RPS14: variants seen among roughly 807,000 people sequenced by gnomAD.
The protein encoded by RPS14 is ribosomal protein S14, also known as small ribosomal subunit protein uS11.
In RPS14, 1 loss-of-function variant was observed where a neutral mutation model predicts 15.4. The observed-to-expected ratio is 0.07, with a 90% confidence interval of 0.02 to 0.31. RPS14 has a LOEUF of 0.31. Among genes scored for constraint, RPS14 ranks in the 10% least tolerant of loss-of-function variants. The pLI is 1.00. For synonymous variants in RPS14, 68 were observed against 74.4 expected, an observed-to-expected ratio of 0.91 and a Z score of 0.44; for missense variants, 69 against 205.5, an observed-to-expected ratio of 0.34 and a Z score of 4.06.
At chr5:150,447,535 G>A (rs3797622) in intron 2 of RPS14, 50 bp downstream of exon 2, 428,525 of 1,590,592 alleles carry the variant, frequency 0.27, 59,440 homozygotes, top group South Asian at 0.39. Flanking sequence ...CCCAGCCATT[G>A]CCTTCCTCAG....
rs1419729176 is a variant in RPS14 at position 150,443,213 on chromosome 5, AG to A, written c.*1072del. On this transcript the variant is annotated 3_prime_UTR_variant, in exon 5 of 5. Transcript: ENST00000407193. ...TTTAGGGTACATGTGCACAACGTGC[AG>A]GTTTGTTACATATGTATACATGTGC... The A allele has an allele frequency of 7.1e-6, 1 of 140,902 alleles. No individual in the cohort carries two copies. The highest frequency in any genetic ancestry group is 2.5e-5 in the African/African-American group (1 of 40,420). 8.7% of individuals were successfully genotyped at this position (140,902 alleles called of 1,614,324 possible).
In RPS14 at chr5:150,446,942, A is replaced by T. The variant is rs1771116203; in HGVS notation, c.171T>A (p.Thr57=). ...GGTCTGCCTTTACCTTCATCCCACCAGTCACACGGCAGATGGTTTCCCTGG... is the reference window on the plus strand; with the variant it reads ...GGTCTGCCTTTACCTTCATCCCACCTGTCACACGGCAGATGGTTTCCCTGG... ...LSGKETICRV[T]GGMKVKADRD... Residue 57 remains threonine (T), a synonymous_variant, in exon 3 of 5, where the codon ACT becomes ACA. Coordinates refer to ENST00000407193, the MANE Select transcript of RPS14 (RefSeq NM_005617.4). This position sits in a 1 kb window ranked among gnomAD's most constrained non-coding sequence, Gnocchi z 4.2. The T allele has an allele frequency of 6.2e-7, 1 of 1,614,056 alleles. No homozygotes were observed. The highest frequency in any genetic ancestry group is 1.3e-5 in the African/African-American group (1 of 74,930).
intron 2 of RPS14, chr5:150,447,300 C>T (rs2151201206): frequency 3.7e-6 from 2 of 535,170 alleles, no homozygotes; most frequent in Non-Finnish European, 6.6e-6. Context: ...CACCCAGAGC[C>T]CACTTGCAGT....
chr5:150,445,634 G>C lies in RPS14; in HGVS notation c.363C>G (p.Arg121=). The C allele has an allele frequency of 6.2e-7, 1 of 1,612,626 alleles. No homozygotes were observed. Residue 121 remains arginine, a synonymous_variant, in exon 4 of 5, where the codon CGC becomes CGG. Coordinates refer to ENST00000407193, the MANE Select transcript of RPS14 (RefSeq NM_005617.4). ...GAQSALRALA[R]SGMKIGRIED... ...CAATCCGCCCGATCTTCATACCCGAGCGGGCAAGGGCTCTGAGGGCCGACT... is the reference window on the plus strand; with the variant it reads ...CAATCCGCCCGATCTTCATACCCGACCGGGCAAGGGCTCTGAGGGCCGACT...
rs17656930 is a variant in RPS14, at chr5:150,447,569, C to A, written c.149+16G>T. On this transcript the variant is annotated intron_variant, in intron 2 of 4. Coordinates refer to ENST00000407193, the MANE Select transcript of RPS14 (RefSeq NM_005617.4). ...AGCCTTTTGCCAGCTGGATGCCTCT[C>A]CACCCAGGTACTCACTTGCCAGAAA... 1 of 1,611,906 alleles carries A rather than the reference C, an allele frequency of 6.2e-7. No individual in the cohort carries two copies. Among genetic ancestry groups the A allele is most frequent in the Admixed American group, 1.7e-5 (1 of 60,014 alleles).
Position 150,446,888 on chromosome 5 carries a change from C to A in RPS14, c.225G>T (p.Met75Ile). The change falls in exon 3 of 5, where the codon ATG becomes ATT. Residue 75 changes from methionine (M) to isoleucine (I), a missense_variant. Met to Ile is a conservative substitution (Grantham distance 10, BLOSUM62 1). Transcript: ENST00000407193. This position sits in a 1 kb window ranked among gnomAD's most constrained non-coding sequence, Gnocchi z 4.2. The stretch of plus-strand genomic sequence containing the variant: ...TCTGGGCCACATCCTGGGCAGCCAA[C>A]ATAGCAGCATATGGTGAGGATTCAT... The part of the protein sequence containing the change: ...DRDESSPYAA[M>I]LAAQDVAQRC... 6.2e-7 allele frequency: 1 copy of A among 1,614,214 alleles called. No individual in the cohort carries two copies. The highest frequency in any genetic ancestry group is 8.5e-7 in the Non-Finnish European group (1 of 1,180,046).
intron 4 of RPS14, chr5:150,444,737 G>A (rs1040621483): frequency 2.0e-5 from 9 of 442,712 alleles, no homozygotes; most frequent in Non-Finnish European, 3.2e-5. Flanking sequence ...AATCTTTTAA[G>A]GCTGGGCGCG....
intron 4 of RPS14, 56 bp from the exon 5 acceptor site, chr5:150,444,409 G>T: frequency 4.0e-6 from 6 of 1,481,600 alleles, no homozygotes; most frequent in Non-Finnish European, 4.7e-6. Flanking sequence ...AGGGCCCCCA[G>T]GACTCCCTAG....
rs561164412 is a variant in RPS14, at chr5:150,446,392, G to A, written c.311+410C>T. ...ACCCTCCTCCTGTCCTTATTTCACTGGAAGGACTCCGGACTTATCATTTAG... is the reference window on the plus strand; with the variant it reads ...ACCCTCCTCCTGTCCTTATTTCACTAGAAGGACTCCGGACTTATCATTTAG... On this transcript the variant is annotated intron_variant, in intron 3 of 4. Transcript: ENST00000407193. The surrounding 1 kb of genome is among the most constrained non-coding windows in gnomAD (Gnocchi z 4.2). Among the ~76,000 whole-genome samples, 2 of 152,240 alleles carry A rather than the reference G, an allele frequency of 1.3e-5. No individual in the cohort carries two copies. The highest frequency in any genetic ancestry group is 4.8e-5 in the African/African-American group (2 of 41,532).
chr5:150,448,969 A>G (rs1771186286), intron 1 of RPS14: 1 of 152,250 alleles, frequency 6.6e-6, no homozygotes, highest in African/African-American at 2.4e-5. Flanking sequence ...CGAGAAGCAT[A>G]GAAAGGCTCC....
In RPS14 at chr5:150,446,652, G is replaced by A. The variant is rs777781982; in HGVS notation, c.311+150C>T. ...GTGCTCAACACTGAGCTGCTGGGGGGTGTACACAGGAGCCAATTATTAAGT... is the reference window on the plus strand; with the variant it reads ...GTGCTCAACACTGAGCTGCTGGGGGATGTACACAGGAGCCAATTATTAAGT... On this transcript the variant is annotated intron_variant, in intron 3 of 4. Coordinates refer to ENST00000407193, the MANE Select transcript of RPS14 (RefSeq NM_005617.4). The surrounding 1 kb of genome is among the most constrained non-coding windows in gnomAD (Gnocchi z 4.2). 262 of 747,094 alleles carry A rather than the reference G, an allele frequency of 3.5e-4. No individual in the cohort carries two copies. The highest frequency in any genetic ancestry group is 5.2e-4 in the Non-Finnish European group (238 of 455,296). 46.3% of individuals were successfully genotyped at this position (747,094 alleles called of 1,614,324 possible).
intron 2 of RPS14, 46 bp from the exon 3 acceptor site, chr5:150,447,009 G>A (rs13183077): frequency 0.27 from 431,113 of 1,602,448 alleles, 59,766 homozygotes; most frequent in South Asian, 0.39. Context: ...CCAACAAGGA[G>A]TGCTTACGAT....
chr5:150,444,186 T>G lies in RPS14; in HGVS notation c.*100A>C. 1 of 1,486,094 alleles carries G rather than the reference T, an allele frequency of 6.7e-7. No individual in the cohort carries two copies. The highest frequency in any genetic ancestry group is 9.0e-7 in the Non-Finnish European group (1 of 1,114,502). 92.1% of individuals were successfully genotyped at this position (1,486,094 alleles called of 1,614,324 possible). A position where few individuals can be genotyped will look rare whatever the true frequency, so the allele number is the denominator to read the frequency against. ...CAAGAAGCCAAATAGGAGGAAGAAA[T>G]CAAATGCCTGAGTAGCCCCTGATGA... On this transcript the variant is annotated 3_prime_UTR_variant, in exon 5 of 5. Transcript: ENST00000407193.
intron 1 of RPS14, 84 bp from the exon 2 acceptor site, chr5:150,447,819 G>T: frequency 2.1e-6 from 3 of 1,415,002 alleles, no homozygotes; most frequent in Non-Finnish European, 9.8e-7. Flanking sequence ...TGAAACCCTA[G>T]TCCTGCTTCA....
chr5:150,444,770 G>C, intron 4 of RPS14: 1 of 394,808 alleles, frequency 2.5e-6, no homozygotes, highest in Non-Finnish European at 5.0e-6. Flanking sequence ...TGTAATCCTA[G>C]CACTTTGGGC....
At position 150,446,618 on chromosome 5, in the gene RPS14, A is replaced by T. The variant is rs559057515; in HGVS notation, c.311+184T>A. Among the ~76,000 whole-genome samples, 177 of 152,304 alleles carry T rather than the reference A, an allele frequency of 1.2e-3. No individual in the cohort carries two copies. Among genetic ancestry groups the T allele is most frequent in the Non-Finnish European group, 1.5e-3 (105 of 68,028 alleles). On this transcript the variant is annotated intron_variant, in intron 3 of 4. Transcript: ENST00000407193. This position sits in a 1 kb window ranked among gnomAD's most constrained non-coding sequence, Gnocchi z 4.2. ...TAGTACCTGAAACACAGCTCCTAGT[A>T]TACAGTGGGTGCTCAACACTGAGCT... is the stretch of plus-strand genomic sequence containing the variant.
chr5:150,447,932 A>G, intron 1 of RPS14, 197 bp from the exon 2 acceptor site: 1 of 568,664 alleles, frequency 1.8e-6, no homozygotes, highest in Non-Finnish European at 3.1e-6. Flanking sequence ...CTGTGGCCAC[A>G]TGGCAAAGTA....
At position 150,444,280 on chromosome 5, in the gene RPS14, T is replaced by A; in HGVS notation, c.*6A>T. ...TATTAACAGAAAATATTTTGAGGAA[T>A]CTTGTTCACAGACGGCGACCACGGC... On this transcript the variant is annotated 3_prime_UTR_variant, in exon 5 of 5. Coordinates refer to ENST00000407193, the MANE Select transcript of RPS14 (RefSeq NM_005617.4). The A allele has an allele frequency of 6.2e-7, 1 of 1,608,208 alleles. No individual in the cohort carries two copies. Among genetic ancestry groups the A allele is most frequent in the Non-Finnish European group, 8.5e-7 (1 of 1,176,582 alleles).
chr5:150,449,426 CGGCCGTGGCCGTGGCCGTATTGCGG>C (rs1771204818), intron 1 of RPS14: 1 of 152,202 alleles, frequency 6.6e-6, no homozygotes, highest in Non-Finnish European at 1.5e-5. Context: ...AGCTCAAACG[CGGCCGTGGCCGTGGCCGTATTGCGG>C]GGCCGAGGCC....
Sources: gnomAD v4.1 joint callset for allele counts (sites outside exome capture counted in the v4.1 genomes callset) on GRCh38, gnomAD v4.1.1 for gene constraint, Gnocchi (gnomAD v3.1) non-coding constraint, MANE v1.5 for transcripts, NCBI Gene and HGNC (gene_info 2026-07-23, HGNC 2026-07-21) for gene names.